CDK8: variants seen among roughly 807,000 people sequenced by gnomAD.
CDK8 encodes cyclin-dependent kinase 8.
A neutral mutation model predicts 71.5 loss-of-function variants in CDK8; 29 were observed. That is an observed-to-expected ratio of 0.41 (90% CI 0.30 to 0.55). CDK8 has a LOEUF of 0.55. CDK8 is among the 20% of genes least tolerant of loss of function. CDK8 has a pLI of 0.37. For synonymous variants in CDK8, 161 were observed against 192.1 expected, an observed-to-expected ratio of 0.84 and a Z score of 1.34; for missense variants, 288 against 572.6, an observed-to-expected ratio of 0.50 and a Z score of 5.07.
intron 1 of CDK8, among the ~76,000 whole-genome samples, chr13:26,256,903 ATAGTTT>A (rs1368659709): frequency 6.6e-6 from 1 of 152,102 alleles, no homozygotes; most frequent in Non-Finnish European, 1.5e-5. Flanking sequence ...TCTTTTAGAG[ATAGTTT>A]TAGAGAGTTT....
chr13:26,347,173 A>G (rs1002920332), intron 2 of CDK8, among the ~76,000 whole-genome samples: 2 of 152,168 alleles, frequency 1.3e-5, no homozygotes, highest in African/African-American at 4.8e-5. Context: ...AAGGAGACAA[A>G]ATATTTTAAA....
chr13:26,317,531 A>T (rs938730224), intron 1 of CDK8, among the ~76,000 whole-genome samples: 2 of 152,214 alleles, frequency 1.3e-5, no homozygotes, highest in Non-Finnish European at 2.9e-5. Context: ...AGGATAGGCA[A>T]TATGTTAGAC....
chr13:26,346,894 T>C lies in CDK8; in HGVS notation c.205-2178T>C, dbSNP rs550589449. 7.2e-5 allele frequency among the ~76,000 whole-genome samples: 11 copies of C among 152,342 alleles called. No homozygotes were observed. The South Asian group carries it at 2.3e-3, about 32-fold the overall frequency. ...TCAAAGCCCCCAATATAGTGTTAAC[T>C]TTACATTGATTCTTATTTTTGTGGC... On this transcript the variant is annotated intron_variant, in intron 2 of 12. Coordinates refer to ENST00000381527, the MANE Select transcript of CDK8 (RefSeq NM_001260.3).
intron 4 of CDK8, 119 bp from the exon 5 acceptor site, chr13:26,382,695 T>A (rs2138045727): frequency 1.6e-6 from 1 of 613,064 alleles, no homozygotes; most frequent in Admixed American, 3.2e-5. Flanking sequence ...CTGTATTTGG[T>A]TTTAATTTTT....
rs58160694 is a variant in CDK8 at position 26,271,806 on chromosome 13, CTTTT to C, written c.128+17070_128+17073del. 4.2e-3 allele frequency among the ~76,000 whole-genome samples: 261 copies of C among 62,606 alleles called. 15 individuals carry two copies. Among genetic ancestry groups the C allele is most frequent in the African/African-American group, 0.021 (239 of 11,484 alleles). The allele number at this position is 62,606 out of a possible 152,430, so 41.1% of individuals were successfully genotyped here. A position where few individuals can be genotyped will look rare whatever the true frequency, so the allele number is the denominator to read the frequency against. ...CCTGGGGGACAGAGTGAGACCCTGT[CTTTT>C]TTTTTTTTTTTTTTTTTTTTTTTTT... On this transcript the variant is annotated intron_variant, in intron 1 of 12. Coordinates refer to ENST00000381527, the MANE Select transcript of CDK8 (RefSeq NM_001260.3).
At chr13:26,307,528 C>T (rs182006338) in intron 1 of CDK8, among the ~76,000 whole-genome samples, 3 of 152,286 alleles carry the variant, frequency 2.0e-5, no homozygotes, top group East Asian at 1.9e-4. Flanking sequence ...TGCAGTCCTG[C>T]TGGTACCATG....
intron 6 of CDK8, among the ~76,000 whole-genome samples, chr13:26,385,929 A>G (rs1875456113): frequency 1.3e-5 from 2 of 152,270 alleles, no homozygotes; most frequent in Middle Eastern, 3.4e-3. Flanking sequence ...TTTAATTTAT[A>G]AAACTACAAT....
At chr13:26,285,912 A>G (rs1054170224) in intron 1 of CDK8, among the ~76,000 whole-genome samples, 9 of 152,150 alleles carry the variant, frequency 5.9e-5, no homozygotes, top group Non-Finnish European at 8.8e-5. Context: ...TAAATAAACA[A>G]ACAAACAAAT....
At chr13:26,302,981 C>T (rs565588326) in intron 1 of CDK8, among the ~76,000 whole-genome samples, 1 of 152,318 alleles carries the variant, frequency 6.6e-6, no homozygotes, top group East Asian at 1.9e-4. Flanking sequence ...GCATGAGCCA[C>T]TGTGCCTGGC....
intron 7 of CDK8, 79 bp from the exon 8 acceptor site, chr13:26,396,206 G>T: frequency 3.7e-6 from 2 of 545,364 alleles, no homozygotes; most frequent in East Asian, 6.1e-5. Context: ...GAAATGTAAT[G>T]AACGTGGTAA....
intron 1 of CDK8, among the ~76,000 whole-genome samples, chr13:26,291,213 T>A (rs1274755311): frequency 2.0e-5 from 3 of 152,074 alleles, no homozygotes; most frequent in African/African-American, 7.2e-5. Flanking sequence ...GTTTGTAGCC[T>A]AGGAACAATG....
chr13:26,325,594 T>G (rs1489394117), intron 1 of CDK8, among the ~76,000 whole-genome samples: 2 of 152,130 alleles, frequency 1.3e-5, no homozygotes, highest in African/African-American at 2.4e-5. Flanking sequence ...GGCTGAATGA[T>G]TCTAAGGAAA....
chr13:26,311,155 T>A (rs1002923588), intron 1 of CDK8, among the ~76,000 whole-genome samples: 62 of 152,042 alleles, frequency 4.1e-4, no homozygotes, highest in South Asian at 1.5e-3. Flanking sequence ...TTTGAATAAA[T>A]GGACTCACTG....
In CDK8 at chr13:26,349,131, T is replaced by C. The variant is rs764784511; in HGVS notation, c.264T>C (p.His88=). 1.2e-6 allele frequency: 2 copies of C among 1,613,720 alleles called. No individual in the cohort carries two copies. The highest frequency in any genetic ancestry group is 1.1e-5 in the South Asian group (1 of 91,010). The part of the protein sequence containing the change: ...VISLQKVFLS[H]ADRKVWLLFD... ...CTCTTCAAAAGGTGTTTCTGTCTCA[T>C]GCTGATAGGAAGGTGTGGCTTCTGT... The change falls in exon 3 of 13, where the codon CAT becomes CAC. Residue 88 remains histidine (H), a synonymous_variant. Coordinates refer to ENST00000381527, the MANE Select transcript of CDK8 (RefSeq NM_001260.3).
At chr13:26,387,769 T>C (rs1190083068) in intron 6 of CDK8, among the ~76,000 whole-genome samples, 1 of 152,150 alleles carries the variant, frequency 6.6e-6, no homozygotes, top group African/African-American at 2.4e-5. Context: ...AGTTTCTTCT[T>C]CTCATTCAGA....
At chr13:26,301,087 T>G (rs1873804686) in intron 1 of CDK8, among the ~76,000 whole-genome samples, 5 of 152,124 alleles carry the variant, frequency 3.3e-5, no homozygotes, top group Admixed American at 3.3e-4. Flanking sequence ...CAACTGTTGG[T>G]TTTAGTCCTT....
rs1876239628 is a variant in CDK8, at chr13:26,401,161, T to TA, written c.1032-107dup. The TA allele has an allele frequency of 1.2e-6, 1 of 855,752 alleles. No homozygotes were observed. The highest frequency in any genetic ancestry group is 1.7e-5 in the African/African-American group (1 of 58,500). 53.0% of individuals were successfully genotyped at this position (855,752 alleles called of 1,614,324 possible). A position where few individuals can be genotyped will look rare whatever the true frequency, so the allele number is the denominator to read the frequency against. ...CATGAAAGGTGCTTATATTTGCAAA[T>TA]ATGGAGACAAAGTTCATCTTAAAAG... On this transcript the variant is annotated intron_variant, in intron 10 of 12. Transcript: ENST00000381527. This position sits in a 1 kb window ranked among gnomAD's most constrained non-coding sequence, Gnocchi z 4.5.
chr13:26,401,231 A>G lies in CDK8; in HGVS notation c.1032-38A>G, dbSNP rs774336035. The G allele has an allele frequency of 1.1e-5, 16 of 1,428,154 alleles. 1 individual carries two copies. Among genetic ancestry groups the G allele is most frequent in the Non-Finnish European group, 1.3e-5 (13 of 1,017,258 alleles). 88.5% of individuals were successfully genotyped at this position (1,428,154 alleles called of 1,614,324 possible). ...AAATGAAGCATTTGGAATATTGATT[A>G]GTATACCAGAAATGGTTTTTCTTTT... On this transcript the variant is annotated intron_variant, in intron 10 of 12. Coordinates refer to ENST00000381527, the MANE Select transcript of CDK8 (RefSeq NM_001260.3). The surrounding 1 kb of genome is among the most constrained non-coding windows in gnomAD (Gnocchi z 4.5).
intron 4 of CDK8, among the ~76,000 whole-genome samples, chr13:26,354,954 C>T: frequency 6.6e-6 from 1 of 152,226 alleles, no homozygotes; most frequent in East Asian, 1.9e-4. Context: ...TATAAAGGCA[C>T]CTTCATTTCA....
Sources: allele counts gnomAD v4.1 joint callset (sites outside exome capture counted in the v4.1 genomes callset), GRCh38; gene constraint gnomAD v4.1.1; non-coding constraint Gnocchi (gnomAD v3.1); transcripts MANE v1.5; gene names NCBI Gene and HGNC (gene_info 2026-07-23, HGNC 2026-07-21).